The following USP39 variants were observed in gnomAD, a reference collection of about 807,000 sequenced individuals.
The protein encoded by USP39 is ubiquitin specific peptidase 39.
USP39 carries 38 observed loss-of-function variants against 66.4 expected under a neutral mutation model. The observed-to-expected ratio is 0.57, with a 90% CI of 0.44 to 0.75. The LOEUF (loss-of-function observed/expected upper bound fraction) is 0.75. Among genes scored for constraint, USP39 ranks in the 30% least tolerant of loss-of-function variants. The pLI, the probability that USP39 is intolerant of heterozygous loss-of-function variation, is 0.00. For synonymous variants in USP39, 303 were observed against 274.6 expected, an observed-to-expected ratio of 1.10 and a Z score of -1.02; for missense variants, 608 against 714.4, an observed-to-expected ratio of 0.85 and a Z score of 1.70.
At chr2:85,617,586 A>G in intron 1 of USP39, among the ~76,000 whole-genome samples, 1 of 152,170 alleles carries the variant, frequency 6.6e-6, no homozygotes, top group Non-Finnish European at 1.5e-5. Context: ...CTGTAATCGC[A>G]GCTACTCTAT....
upstream of USP39, among the ~76,000 whole-genome samples, chr2:85,615,426 A>G (rs1301269662): frequency 6.6e-6 from 1 of 152,210 alleles, no homozygotes. Context: ...TTAGAGCTTT[A>G]TTAGCTTCAT....
At chr2:85,615,905 C>T (rs1277249412), upstream of USP39, among the ~76,000 whole-genome samples, 1 of 152,214 alleles carries the variant, frequency 6.6e-6, no homozygotes, top group Admixed American at 6.5e-5. Flanking sequence ...GCTGGGATTA[C>T]AGGCGTAAGC....
At chr2:85,632,681 C>G (rs1482279229) in intron 6 of USP39, among the ~76,000 whole-genome samples, 1 of 152,090 alleles carries the variant, frequency 6.6e-6, no homozygotes, top group African/African-American at 2.4e-5. Context: ...AGCTCCTGAC[C>G]TTGTGATCTG....
intron 3 of USP39, among the ~76,000 whole-genome samples, chr2:85,622,450 T>C (rs543263415): frequency 6.6e-6 from 1 of 152,106 alleles, no homozygotes; most frequent in South Asian, 2.1e-4. Context: ...GGGATTGTAC[T>C]CTGTTGCCCA....
upstream of USP39, chr2:85,611,272 C>A: frequency 7.1e-7 from 1 of 1,402,678 alleles, no homozygotes; most frequent in Non-Finnish European, 9.2e-7. Context: ...ATATATTAAC[C>A]AGTGTGATCT....
chr2:85,632,743 C>T (rs1052528349), intron 6 of USP39, among the ~76,000 whole-genome samples: 3 of 152,052 alleles, frequency 2.0e-5, no homozygotes, highest in Non-Finnish European at 4.4e-5. Context: ...CCACCACGCC[C>T]GGCTCAACTA....
rs369524663 is a variant in USP39, at chr2:85,641,128, A to T, written c.1427+10A>T. On this transcript the variant is annotated intron_variant, in intron 10 of 12. Transcript: ENST00000323701. ...TCAATTTCCCTATTACGTAAGTAACATCCTGCCTCACTTCTCTCACGGGGA... is the reference window on the plus strand; with the variant it reads ...TCAATTTCCCTATTACGTAAGTAACTTCCTGCCTCACTTCTCTCACGGGGA... 16 of 1,611,566 alleles carry T rather than the reference A, an allele frequency of 9.9e-6. No individual in the cohort carries two copies. In the African/African-American group the frequency reaches 2.0e-4, roughly 20 times the overall value.
upstream of USP39, among the ~76,000 whole-genome samples, chr2:85,614,281 A>G (rs1673767207): frequency 6.6e-6 from 1 of 152,096 alleles, no homozygotes; most frequent in Non-Finnish European, 1.5e-5. Flanking sequence ...TTGGAAGGGG[A>G]GGCGGGCGGA....
chr2:85,636,422 A>G (rs1675779322), intron 7 of USP39, among the ~76,000 whole-genome samples: 1 of 152,214 alleles, frequency 6.6e-6, no homozygotes, highest in South Asian at 2.1e-4. Flanking sequence ...GCTAGTATCT[A>G]TGTTATAGAT....
In USP39 at chr2:85,639,253, A is replaced by G. The variant is rs1442401742; in HGVS notation, c.1146A>G (p.Thr382=). 6.2e-7 allele frequency: 1 copy of G among 1,614,018 alleles called. No homozygotes were observed. The highest frequency in any genetic ancestry group is 8.5e-7 in the Non-Finnish European group (1 of 1,180,014). ...TCCATAATGACGAGTACCAGGAGACAATGGTGGAGTCCACTTTTATGTACC... is the reference window on the plus strand; with the variant it reads ...TCCATAATGACGAGTACCAGGAGACGATGGTGGAGTCCACTTTTATGTACC... The part of the protein sequence containing the change: ...QLLHNDEYQE[T]MVESTFMYLT... Residue 382 remains threonine (T), a synonymous_variant, in exon 9 of 13, where the codon ACA becomes ACG. Coordinates refer to ENST00000323701, the MANE Select transcript of USP39 (RefSeq NM_006590.4).
chr2:85,625,398 C>T, intron 4 of USP39, 141 bp from the exon 5 acceptor site: 1 of 1,021,018 alleles, frequency 9.8e-7, no homozygotes, highest in South Asian at 1.4e-5. Context: ...TCAATCTTTA[C>T]ACCTACTGGT....
chr2:85,616,194 A>C lies in USP39; in HGVS notation c.-2A>C, dbSNP rs1177808303. On this transcript the variant is annotated 5_prime_UTR_variant, in exon 1 of 13. Transcript: ENST00000323701. ...CGCTGGACGACTCGGCCGGTAGTGG[A>C]GATGTCCGGCCGGTCTAAGCGGGAG... 19 of 1,440,708 alleles carry C rather than the reference A, an allele frequency of 1.3e-5. No homozygotes were observed. The highest frequency in any genetic ancestry group is 1.6e-5 in the Non-Finnish European group (18 of 1,096,086). The allele number at this position is 1,440,708 out of a possible 1,614,324, so 89.2% of individuals were successfully genotyped here.
At chr2:85,643,904 C>T (rs1007012215) in intron 10 of USP39, among the ~76,000 whole-genome samples, 3 of 152,078 alleles carry the variant, frequency 2.0e-5, no homozygotes, top group Non-Finnish European at 2.9e-5. Flanking sequence ...CTGCCCGCCT[C>T]GGCCTCCCAA....
chr2:85,645,127 A>C, intron 11 of USP39, 44 bp downstream of exon 11: 1 of 1,612,068 alleles, frequency 6.2e-7, no homozygotes, highest in Non-Finnish European at 8.5e-7. Context: ...TGGCAAAAAC[A>C]GGTGTTTCTT....
At chr2:85,641,466 T>C (rs1676225817) in intron 10 of USP39, among the ~76,000 whole-genome samples, 1 of 152,256 alleles carries the variant, frequency 6.6e-6, no homozygotes, top group Non-Finnish European at 1.5e-5. Context: ...ATCTATTTGC[T>C]GGCCATCACA....
upstream of USP39, among the ~76,000 whole-genome samples, chr2:85,613,504 AAAC>A (rs1161691338): frequency 7.7e-6 from 1 of 130,052 alleles, no homozygotes; most frequent in African/African-American, 3.5e-5. Context: ...AAAAAACAAA[AAAC>A]AAAAACAAAA....
intron 4 of USP39, among the ~76,000 whole-genome samples, chr2:85,624,160 C>T (rs567030009): frequency 5.3e-5 from 8 of 152,222 alleles, no homozygotes; most frequent in South Asian, 4.2e-4. Flanking sequence ...TTTTAACATA[C>T]GCCGTGGCCA....
chr2:85,620,639 AG>A (rs1674390387), intron 2 of USP39, among the ~76,000 whole-genome samples: 2 of 152,304 alleles, frequency 1.3e-5, no homozygotes, highest in South Asian at 4.1e-4. Flanking sequence ...GAAGGTACAA[AG>A]GGCCAGCTGT....
rs1382059657 is a variant in USP39, at chr2:85,603,301, A to T, written n.226+220A>T. The T allele has an allele frequency of 2.0e-5, 3 of 152,384 alleles. No homozygotes were observed. In the East Asian group the frequency reaches 5.8e-4, roughly 29 times the overall value. The allele number at this position is 152,384 out of a possible 1,614,324, so 9.4% of individuals were successfully genotyped here. A position where few individuals can be genotyped will look rare whatever the true frequency, so the allele number is the denominator to read the frequency against. The stretch of plus-strand genomic sequence containing the variant: ...CCTGCATACAAGTACACAATGTACT[A>T]GCCAGAAATCAGTGTCCAAGACGTG... On this transcript the variant is annotated intron_variant and non_coding_transcript_variant, in intron 1 of 12. Coordinates refer to the USP39 transcript ENST00000459775.
Sources: allele counts gnomAD v4.1 joint callset (sites outside exome capture counted in the v4.1 genomes callset), GRCh38; gene constraint gnomAD v4.1.1; transcripts MANE v1.5; gene names NCBI Gene and HGNC (gene_info 2026-07-23, HGNC 2026-07-21).